The following SEPTIN6 variants were observed in gnomAD, a reference collection of about 807,000 sequenced individuals.
SEPTIN6 encodes the protein septin 6.
Under a neutral mutation model 33.6 loss-of-function variants are expected in SEPTIN6, and 8 were observed. The observed-to-expected ratio is 0.24, with a 90% CI of 0.14 to 0.43. SEPTIN6 has a LOEUF of 0.43. SEPTIN6 is among the 20% of genes least tolerant of loss of function. The pLI is 1.00. For synonymous variants in SEPTIN6, 131 were observed against 140.0 expected (o/e 0.94, Z 0.45); for missense variants, 250 against 340.8 (o/e 0.73, Z 2.10).
intron 1 of SEPTIN6, among the ~76,000 whole-genome samples, chrX:119,684,482 G>GCTT (rs1465016068): frequency 1.3e-5 from 1 of 79,451 alleles, no homozygotes; most frequent in Admixed American, 1.5e-4. Flanking sequence ...GTTCCCAGAG[G>GCTT]TTTTTTTTTT....
chrX:119,631,156 A>T (rs2147467930), intron 8 of SEPTIN6, among the ~76,000 whole-genome samples: 1 of 109,030 alleles, frequency 9.2e-6, no homozygotes, highest in South Asian at 3.9e-4. Context: ...CTTGCTGTAT[A>T]AACCAGATCT....
At chrX:119,641,905 A>T (rs778118800) in intron 5 of SEPTIN6, among the ~76,000 whole-genome samples, 2 of 113,072 alleles carry the variant, frequency 1.8e-5, no homozygotes, top group South Asian at 7.1e-4. Flanking sequence ...CTGCAGAAAC[A>T]GGCCATGATC....
intron 7 of SEPTIN6, among the ~76,000 whole-genome samples, chrX:119,635,646 T>C (rs1002443875): frequency 9.0e-6 from 1 of 111,417 alleles, no homozygotes; most frequent in African/African-American, 3.3e-5. Flanking sequence ...AAAGGCCACA[T>C]TGAACTTGGC....
chrX:119,646,105 C>T (rs1468244267), intron 5 of SEPTIN6, among the ~76,000 whole-genome samples: 2 of 111,802 alleles, frequency 1.8e-5, no homozygotes, highest in Non-Finnish European at 3.8e-5. Context: ...TTGGTTTCCT[C>T]CCAGGGTGGA....
intron 9 of SEPTIN6, among the ~76,000 whole-genome samples, chrX:119,625,619 T>C (rs768148334): frequency 9.2e-6 from 1 of 108,201 alleles, no homozygotes; most frequent in African/African-American, 3.4e-5. Context: ...CATGGCTCAC[T>C]GCAGCCTCAA....
intron 3 of SEPTIN6, among the ~76,000 whole-genome samples, chrX:119,661,466 T>C (rs1026473651): frequency 2.7e-5 from 3 of 111,635 alleles, no homozygotes; most frequent in Middle Eastern, 4.2e-3. Flanking sequence ...AAGCTACATA[T>C]ATTTATTCAT....
At position 119,618,847 on chromosome X, in the gene SEPTIN6, T is replaced by A; in HGVS notation, c.*1246A>T. ...ACAGATCATTGCCAGGTCAACTCCA[T>A]CTCTCACACTGTCACTGGCCAAACA... On this transcript the variant is annotated 3_prime_UTR_variant, in exon 11 of 11. Coordinates refer to ENST00000394610, the MANE Select transcript of SEPTIN6 (RefSeq NM_145799.4). 8.3e-7 allele frequency: 1 copy of A among 1,204,574 alleles called. No individual in the cohort carries two copies. Among genetic ancestry groups the A allele is most frequent in the African/African-American group, 1.7e-5 (1 of 57,571 alleles).
At chrX:119,667,525 A>G (rs1418427081) in intron 2 of SEPTIN6, among the ~76,000 whole-genome samples, 1 of 111,695 alleles carries the variant, frequency 9.0e-6, no homozygotes, top group Non-Finnish European at 1.9e-5. Flanking sequence ...GAGAGGGCAG[A>G]AAATCAAGCG....
In SEPTIN6 at chrX:119,677,628, T is replaced by G. The variant is rs1104886; in HGVS notation, c.31-1960A>C. 4.6e-3 allele frequency among the ~76,000 whole-genome samples: 520 copies of G among 112,281 alleles called. 2 individuals are homozygous for G. Among genetic ancestry groups the G allele is most frequent in the African/African-American group, 0.016 (496 of 30,916 alleles). ...TGTTGGGCTGGACCACCTTTTAGACTAGGTCCATAATAAGGGCACATTTTC... is the reference window on the plus strand; with the variant it reads ...TGTTGGGCTGGACCACCTTTTAGACGAGGTCCATAATAAGGGCACATTTTC... On this transcript the variant is annotated intron_variant, in intron 1 of 10. Coordinates refer to ENST00000394610, the MANE Select transcript of SEPTIN6 (RefSeq NM_145799.4).
rs2053708142 is a variant in SEPTIN6 at position 119,619,062 on chromosome X, A to T, written c.*1031T>A. On this transcript the variant is annotated 3_prime_UTR_variant, in exon 11 of 11. Transcript: ENST00000394610. ...CTCCGGCCGAGTCTCATCTCTTCTT[A>T]TTGGGGGATGCATGCAAAATGCATG... 1 of 928,347 alleles carries T rather than the reference A, an allele frequency of 1.1e-6. No individual in the cohort carries two copies. The highest frequency in any genetic ancestry group is 1.3e-6 in the Non-Finnish European group (1 of 748,886). The allele number at this position is 928,347 out of a possible 1,213,427, so 76.5% of individuals were successfully genotyped here.
Position 119,691,287 on chromosome X carries a change from A to T in SEPTIN6, c.30+1789T>A, listed in dbSNP as rs749195663. Among the ~76,000 whole-genome samples the T allele has an allele frequency of 1.2e-4, 14 of 112,104 alleles. No homozygotes were observed. In the East Asian group the frequency reaches 2.8e-3, roughly 22 times the overall value. ...CTAATCCAGGCAAGAGAAACTGGTGAGAGTATGGAGGACAGGTCGATGCAA... is the reference window on the plus strand; with the variant it reads ...CTAATCCAGGCAAGAGAAACTGGTGTGAGTATGGAGGACAGGTCGATGCAA... On this transcript the variant is annotated intron_variant, in intron 1 of 10. Coordinates refer to ENST00000394610, the MANE Select transcript of SEPTIN6 (RefSeq NM_145799.4).
intron 8 of SEPTIN6, among the ~76,000 whole-genome samples, 180 bp from the exon 9 acceptor site, chrX:119,629,688 C>G (rs889978803): frequency 3.6e-5 from 4 of 111,709 alleles, no homozygotes; most frequent in African/African-American, 1.3e-4. Context: ...GGATCGTTCT[C>G]TCTTCCTGCC....
intron 7 of SEPTIN6, among the ~76,000 whole-genome samples, chrX:119,636,376 C>A (rs2054061600): frequency 8.9e-6 from 1 of 112,019 alleles, no homozygotes; most frequent in Non-Finnish European, 1.9e-5. Flanking sequence ...CTCCTCTCTG[C>A]ATAATAACCT....
intron 2 of SEPTIN6, among the ~76,000 whole-genome samples, chrX:119,666,945 A>G (rs1017296381): frequency 9.0e-6 from 1 of 110,956 alleles, no homozygotes; most frequent in African/African-American, 3.3e-5. Flanking sequence ...TGGCTCCCAC[A>G]TCCTAACTCA....
At chrX:119,643,170 C>T (rs1183135943) in intron 5 of SEPTIN6, among the ~76,000 whole-genome samples, 1 of 110,565 alleles carries the variant, frequency 9.0e-6, no homozygotes, top group African/African-American at 3.3e-5. Flanking sequence ...TCGGGAGCCT[C>T]GAATCCACCC....
chrX:119,667,669 C>T (rs1427724594), intron 2 of SEPTIN6, among the ~76,000 whole-genome samples: 1 of 110,373 alleles, frequency 9.1e-6, no homozygotes, highest in Non-Finnish European at 1.9e-5. Context: ...CCCACGGCTG[C>T]CCTGGGCCCA....
chrX:119,663,448 T>TGGCCC, intron 3 of SEPTIN6, 34 bp downstream of exon 3: 1 of 751,131 alleles, frequency 1.3e-6, no homozygotes, highest in Non-Finnish European at 2.0e-6. Flanking sequence ...TCTACCAACC[T>TGGCCC]CCCCACCCTA....
intron 1 of SEPTIN6, among the ~76,000 whole-genome samples, chrX:119,682,938 C>G (rs2054988527): frequency 8.9e-6 from 1 of 112,541 alleles, no homozygotes; most frequent in Admixed American, 9.4e-5. Flanking sequence ...AAACTTTCTC[C>G]TCTGGCCATT....
chrX:119,616,248 T>A (rs1480763992), downstream of SEPTIN6: 1 of 288,921 alleles, frequency 3.5e-6, no homozygotes, highest in Non-Finnish European at 6.3e-6. Flanking sequence ...GATACAAATG[T>A]CACTTGACTT....
Sources: allele counts gnomAD v4.1 joint callset (sites outside exome capture counted in the v4.1 genomes callset), GRCh38; gene constraint gnomAD v4.1.1; transcripts MANE v1.5; gene names NCBI Gene and HGNC (gene_info 2026-07-23, HGNC 2026-07-21).